The following MACROD2 variants were observed in gnomAD, a reference collection of about 807,000 sequenced individuals.
MACROD2 encodes the protein ADP-ribose glycohydrolase MACROD2.
A neutral mutation model predicts 70.4 loss-of-function variants in MACROD2; 36 were observed. The observed-to-expected ratio is 0.51, with a 90% CI of 0.39 to 0.68. The LOEUF (loss-of-function observed/expected upper bound fraction) is 0.68, where lower values mean the gene tolerates loss of function less well. Ranked by LOEUF, MACROD2 falls within the 30% of genes least tolerant of loss-of-function variation. The probability of loss-of-function intolerance (pLI) is 0.00; values close to 1 mark genes in which losing one functional copy is unlikely to be tolerated. For synonymous variants in MACROD2, 172 were observed against 178.8 expected (o/e 0.96, Z 0.30); for missense variants, 496 against 538.4 (o/e 0.92, Z 0.78).
intron 3 of MACROD2, among the ~76,000 whole-genome samples, chr20:14,227,874 A>AT (rs1216255734): frequency 6.6e-6 from 1 of 152,210 alleles, no homozygotes; most frequent in African/African-American, 2.4e-5. Context: ...TCTAGTTGTC[A>AT]TATCATTTTA....
chr20:14,263,850 T>G (rs1263366974), intron 3 of MACROD2, among the ~76,000 whole-genome samples: 1 of 150,384 alleles, frequency 6.6e-6, no homozygotes, highest in Non-Finnish European at 1.5e-5. Context: ...TGCTAACTTT[T>G]ACTCCCAGTT....
intron 3 of MACROD2, among the ~76,000 whole-genome samples, chr20:14,339,262 C>A (rs1028853309): frequency 2.0e-5 from 3 of 152,100 alleles, no homozygotes; most frequent in African/African-American, 7.2e-5. Flanking sequence ...AGAGGACAGA[C>A]CCATTAAATC....
intron 12 of MACROD2, among the ~76,000 whole-genome samples, chr20:15,956,018 T>G (rs1489820185): frequency 6.6e-6 from 1 of 152,200 alleles, no homozygotes. Flanking sequence ...TTACATTCTT[T>G]GTATGTGTAT....
intron 8 of MACROD2, among the ~76,000 whole-genome samples, chr20:15,690,273 C>T (rs968425811): frequency 2.0e-5 from 3 of 152,146 alleles, no homozygotes; most frequent in Middle Eastern, 6.8e-3. Flanking sequence ...GTAGCATAGA[C>T]AGTTTTTGCA....
chr20:14,884,087 TC>T (rs1434725595), intron 5 of MACROD2, among the ~76,000 whole-genome samples: 3 of 152,194 alleles, frequency 2.0e-5, no homozygotes, highest in African/African-American at 7.2e-5. Context: ...AAGCACACTC[TC>T]TTCTTTCCTG....
chr20:15,946,294 G>C (rs1210321625), intron 12 of MACROD2, among the ~76,000 whole-genome samples: 1 of 151,984 alleles, frequency 6.6e-6, no homozygotes, highest in African/African-American at 2.4e-5. Flanking sequence ...TCATTTTTCA[G>C]AGTCACTCTC....
At chr20:14,286,008 T>A (rs1329408710) in intron 3 of MACROD2, among the ~76,000 whole-genome samples, 2 of 151,738 alleles carry the variant, frequency 1.3e-5, no homozygotes, top group East Asian at 3.9e-4. Context: ...AACACAATTC[T>A]GTAGAAATGG....
chr20:15,869,979 T>C (rs1039407385), intron 9 of MACROD2, among the ~76,000 whole-genome samples: 6 of 152,094 alleles, frequency 3.9e-5, no homozygotes, highest in Non-Finnish European at 8.8e-5. Context: ...ATAATCATGA[T>C]AAAGAAAATT....
intron 4 of MACROD2, among the ~76,000 whole-genome samples, chr20:14,601,013 T>C (rs1982461399): frequency 6.6e-6 from 1 of 152,134 alleles, no homozygotes; most frequent in Admixed American, 6.5e-5. Flanking sequence ...TATGAGACCT[T>C]GGGGAAGTGT....
intron 8 of MACROD2, among the ~76,000 whole-genome samples, chr20:15,718,215 T>C (rs759159592): frequency 2.6e-5 from 4 of 151,742 alleles, no homozygotes; most frequent in East Asian, 1.9e-4. Flanking sequence ...TCTTGAACTC[T>C]TGGACTCAGG....
chr20:14,363,119 A>T (rs1179590880), intron 3 of MACROD2, among the ~76,000 whole-genome samples: 1 of 152,188 alleles, frequency 6.6e-6, no homozygotes, highest in African/African-American at 2.4e-5. Flanking sequence ...GGAGGCAGAT[A>T]CACTTGAGCT....
intron 3 of MACROD2, among the ~76,000 whole-genome samples, chr20:14,130,265 A>G (rs2094894309): frequency 6.6e-6 from 1 of 152,200 alleles, no homozygotes; most frequent in Non-Finnish European, 1.5e-5. Context: ...GAAAATATCT[A>G]GGCTGGGCAC....
At chr20:13,997,648 A>C (rs986699502) in intron 1 of MACROD2, among the ~76,000 whole-genome samples, 3 of 152,174 alleles carry the variant, frequency 2.0e-5, no homozygotes, top group African/African-American at 7.2e-5. Flanking sequence ...TTCTTCTAAT[A>C]ATGGAGAATA....
At chr20:15,748,655 C>T (rs531436543) in intron 8 of MACROD2, among the ~76,000 whole-genome samples, 1 of 152,220 alleles carries the variant, frequency 6.6e-6, no homozygotes, top group East Asian at 1.9e-4. Context: ...TGACCAGTGA[C>T]TTCAGGACAT....
intron 4 of MACROD2, among the ~76,000 whole-genome samples, chr20:14,593,839 T>C (rs534240743): frequency 6.6e-4 from 100 of 152,314 alleles, no homozygotes; most frequent in African/African-American, 2.3e-3. Context: ...GTTTTGAAAA[T>C]TGTCTTTTAC....
rs539985902 is a variant in MACROD2 at position 14,802,114 on chromosome 20, G to A, written c.418+117155G>A. The stretch of plus-strand genomic sequence containing the variant: ...TCGGCCCATCATCAAATGTGATGTC[G>A]CATGTGCTGAACTGAGTGGTGTGCC... On this transcript the variant is annotated intron_variant, in intron 5 of 17. Coordinates refer to ENST00000684519, the MANE Select transcript of MACROD2 (RefSeq NM_001351661.2). 3.6e-4 allele frequency among the ~76,000 whole-genome samples: 55 copies of A among 152,122 alleles called. 1 individual carries two copies. The highest frequency in any genetic ancestry group is 2.3e-3 in the South Asian group (11 of 4,824).
chr20:15,835,361 A>T (rs890621804), intron 8 of MACROD2, among the ~76,000 whole-genome samples: 12 of 152,010 alleles, frequency 7.9e-5, no homozygotes, highest in South Asian at 2.1e-4. Flanking sequence ...TTATGGAGTC[A>T]AAAAAAATGG....
chr20:14,795,236 T>C (rs1028436230), intron 5 of MACROD2, among the ~76,000 whole-genome samples: 9 of 152,210 alleles, frequency 5.9e-5, no homozygotes, highest in African/African-American at 2.2e-4. Context: ...TCATGAAAGC[T>C]GATTTATAGT....
chr20:15,578,219 C>T (rs1307679768), intron 8 of MACROD2, among the ~76,000 whole-genome samples: 1 of 152,040 alleles, frequency 6.6e-6, no homozygotes, highest in Non-Finnish European at 1.5e-5. Context: ...GTTTTCAGAC[C>T]CTGATGAGTT....
Sources: gnomAD v4.1 joint callset for allele counts (sites outside exome capture counted in the v4.1 genomes callset) on GRCh38, gnomAD v4.1.1 for gene constraint, MANE v1.5 for transcripts, NCBI Gene and HGNC (gene_info 2026-07-23, HGNC 2026-07-21) for gene names.